The following TACC2 variants were observed in gnomAD, a reference collection of about 807,000 sequenced individuals.
TACC2 encodes transforming acidic coiled-coil containing protein 2, also known as transforming acidic coiled-coil-containing protein 2.
TACC2 carries 137 observed loss-of-function variants against 227.3 expected under a neutral mutation model. The ratio of observed to expected loss-of-function variants is 0.60; its 90% CI spans 0.52 to 0.69. The LOEUF (loss-of-function observed/expected upper bound fraction) is 0.69, where lower values mean the gene tolerates loss of function less well. Among genes scored for constraint, TACC2 ranks in the 30% least tolerant of loss-of-function variants. TACC2 has a pLI of 0.00. For synonymous variants in TACC2, 1,523 were observed against 1,487.5 expected (o/e 1.02, Z -0.55); for missense variants, 3,470 against 3,694.4 (o/e 0.94, Z 1.57).
intron 1 of TACC2, 36 bp from the exon 2 acceptor site, chr10:122,021,901 A>T: frequency 7.5e-7 from 1 of 1,334,494 alleles, no homozygotes; most frequent in Non-Finnish European, 1.1e-6. Flanking sequence ...ATCTTTTTTC[A>T]TTTCACAGAC....
At chr10:122,146,096 C>T (rs2091338627) in intron 7 of TACC2, among the ~76,000 whole-genome samples, 1 of 152,156 alleles carries the variant, frequency 6.6e-6, no homozygotes, top group Non-Finnish European at 1.5e-5. Context: ...AGAAGTGCAG[C>T]ACCCTGGATG....
chr10:122,249,530 C>T lies in TACC2; in HGVS notation c.8661-14C>T. 2 of 1,612,724 alleles carry T rather than the reference C, an allele frequency of 1.2e-6. No individual in the cohort carries two copies. The highest frequency in any genetic ancestry group is 1.1e-5 in the South Asian group (1 of 90,934). On this transcript the variant is annotated splice_polypyrimidine_tract_variant and intron_variant, in intron 21 of 22. Coordinates refer to ENST00000369005, the MANE Select transcript of TACC2 (RefSeq NM_206862.4). ...CACAAAAGAGTGATAATTCTGAGCT[C>T]CCTGTCTCCGCAGGGCCAATGCTGA...
chr10:122,227,933 G>A lies in TACC2; in HGVS notation c.7821G>A (p.Leu2607=), dbSNP rs770495746. The change falls in exon 14 of 23, where the codon TTG becomes TTA. Residue 2607 remains leucine (L), a synonymous_variant. Coordinates refer to ENST00000369005, the MANE Select transcript of TACC2 (RefSeq NM_206862.4). The part of the protein sequence containing the change: ...RGLAPNQESH[L]QVPEKSSQKE... The stretch of plus-strand genomic sequence containing the variant: ...TGGCCCCTAACCAAGAGTCACACTT[G>A]CAGGTGCCAGAGAAATCCTCCCAGA... The A allele has an allele frequency of 1.2e-6, 2 of 1,614,226 alleles. No homozygotes were observed. The highest frequency in any genetic ancestry group is 1.7e-5 in the Admixed American group (1 of 60,022).
intron 8 of TACC2, among the ~76,000 whole-genome samples, chr10:122,201,922 C>G (rs17103195): frequency 0.081 from 12,262 of 152,084 alleles, 1,559 homozygotes; most frequent in African/African-American, 0.27. Context: ...CCAAGGTTTC[C>G]GCTGCTTTTT....
intron 7 of TACC2, among the ~76,000 whole-genome samples, chr10:122,160,646 A>G (rs992249857): frequency 1.2e-4 from 18 of 152,146 alleles, no homozygotes; most frequent in African/African-American, 3.4e-4. Flanking sequence ...CCCCACCTCC[A>G]AATACCATCC....
chr10:122,237,660 T>C, intron 17 of TACC2, 122 bp downstream of exon 17: 2 of 1,244,194 alleles, frequency 1.6e-6, no homozygotes, highest in Non-Finnish European at 2.2e-6. Context: ...GGCAAAGATG[T>C]GTGGCACACC....
intron 19 of TACC2, chr10:122,248,251 C>G (rs1335417765): frequency 1.0e-5 from 2 of 197,298 alleles, no homozygotes; most frequent in African/African-American, 2.3e-5. Flanking sequence ...ACCTCACACC[C>G]TTTAATCGTC....
In TACC2 at chr10:122,249,633, T is replaced by G. The variant is rs1464517939; in HGVS notation, c.8750T>G (p.Val2917Gly). 4 of 1,613,400 alleles carry G rather than the reference T, an allele frequency of 2.5e-6. No homozygotes were observed. The highest frequency in any genetic ancestry group is 1.7e-5 in the Admixed American group (1 of 59,976). ...AGCCTGCGGAAGGAGCAGCTGCGAG[T>G]GGACGCCCTGGAAAGGACGCTGGAG... ...QASLRKEQLRVDALERTLEQK... is the reference protein window; with the variant it reads ...QASLRKEQLRGDALERTLEQK... Residue 2917 changes from valine (V) to glycine (G), a missense_variant, in exon 22 of 23, where the codon GTG becomes GGG. This residue lies in a region of TACC2 where 89 missense variants were observed against 91.4 expected (regional missense o/e 0.97). Transcript: ENST00000369005.
chr10:122,211,737 T>G (rs2095297699), intron 9 of TACC2, 29 bp downstream of exon 9: 3 of 1,519,454 alleles, frequency 2.0e-6, no homozygotes, highest in Non-Finnish European at 2.6e-6. Context: ...GTGGTAAGGA[T>G]CAGAGGCGGG....
chr10:122,210,937 C>A lies in TACC2; in HGVS notation c.6512C>A (p.Ser2171Tyr). ...SLVPSGENLA[S>Y]ETKTESAKTE... ...GTCCCCAGTGGGGAGAATCTAGCAT[C>A]TGAGACGAAAACGGAATCTGCCAAG... Residue 2171 changes from serine (S) to tyrosine (Y), a missense_variant, in exon 9 of 23, where the codon TCT becomes TAT. By Grantham distance (144) the Ser-to-Tyr change is moderately radical. Around this residue, in one of 10 missense-constraint regions of TACC2, gnomAD observed 593 missense variants for 636.6 expected, o/e 0.93. Coordinates refer to ENST00000369005, the MANE Select transcript of TACC2 (RefSeq NM_206862.4). This position sits in a 1 kb window ranked among gnomAD's most constrained non-coding sequence, Gnocchi z 4.6. The A allele has an allele frequency of 1.2e-6, 2 of 1,613,988 alleles. No individual in the cohort carries two copies. Among genetic ancestry groups the A allele is most frequent in the Non-Finnish European group, 1.7e-6 (2 of 1,179,990 alleles).
rs1016837693 is a variant in TACC2, at chr10:122,045,648, G to A, written c.34-4790G>A. On this transcript the variant is annotated intron_variant, in intron 2 of 22. Coordinates refer to ENST00000369005, the MANE Select transcript of TACC2 (RefSeq NM_206862.4). ...AAGAGCACTGGACTTCAAGGTGGGA[G>A]ACTTGCAGAGGGCAGAAGGCAAGCC... Among the ~76,000 whole-genome samples, 6 of 152,220 alleles carry A rather than the reference G, an allele frequency of 3.9e-5. No homozygotes were observed. In the East Asian group the frequency reaches 5.8e-4, roughly 15 times the overall value.
chr10:122,194,980 C>T lies in TACC2; in HGVS notation c.5835-60C>T, dbSNP rs575603985. ...CTGGCTCTGGGTGCGAAGGCCACAC[C>T]GGCTCAGCAGAACTGGCTCTGGGCC... On this transcript the variant is annotated intron_variant, in intron 7 of 22. Coordinates refer to ENST00000369005, the MANE Select transcript of TACC2 (RefSeq NM_206862.4). This position sits in a 1 kb window ranked among gnomAD's most constrained non-coding sequence, Gnocchi z 4.4. 9.7e-5 allele frequency: 150 copies of T among 1,542,686 alleles called. 1 individual carries two copies. The highest frequency in any genetic ancestry group is 1.7e-4 in the Middle Eastern group (1 of 5,734).
intron 1 of TACC2, among the ~76,000 whole-genome samples, chr10:121,992,793 A>G (rs776200181): frequency 5.9e-5 from 9 of 152,022 alleles, no homozygotes; most frequent in Non-Finnish European, 1.0e-4. Flanking sequence ...CGTCTCTACT[A>G]AAATACAAAA....
Position 122,050,534 on chromosome 10 carries a change from C to T in TACC2, c.130C>T (p.His44Tyr). Reference protein sequence around the residue: ...KQQDTPGSPDHRDASSIGSVG... With the variant: ...KQQDTPGSPDYRDASSIGSVG... ...GCAGGACACGCCCGGAAGCCCTGAC[C>T]ACAGAGACGCGTCCAGGTAGGAGGC... is the stretch of plus-strand genomic sequence containing the variant. Residue 44 changes from histidine (H) to tyrosine (Y), a missense_variant, in exon 3 of 23, where the codon CAC (histidine) becomes TAC (tyrosine). This residue lies in a region of TACC2 where 405 missense variants were observed against 389.6 expected (regional missense o/e 1.04). Transcript: ENST00000369005. This position sits in a 1 kb window ranked among gnomAD's most constrained non-coding sequence, Gnocchi z 4.6. The T allele has an allele frequency of 6.2e-7, 1 of 1,613,914 alleles. No homozygotes were observed. Among genetic ancestry groups the T allele is most frequent in the Non-Finnish European group, 8.5e-7 (1 of 1,179,958 alleles).
In TACC2 at chr10:122,086,378, C is replaced by A. The variant is rs1225136693; in HGVS notation, c.3878C>A (p.Pro1293His). The A allele has an allele frequency of 1.2e-6, 2 of 1,613,652 alleles. No homozygotes were observed. The highest frequency in any genetic ancestry group is 2.2e-5 in the South Asian group (2 of 91,082). The change falls in exon 4 of 23, where the codon CCC becomes CAC. Residue 1293 changes from proline to histidine, a missense_variant. Physicochemically the swap from Pro to His is moderately conservative, Grantham distance 77. This residue lies in a region of TACC2 where 1,924 missense variants were observed against 1,978.3 expected (regional missense o/e 0.97). Coordinates refer to ENST00000369005, the MANE Select transcript of TACC2 (RefSeq NM_206862.4). ...SLKLFAGSLA[P>H]LLQPGAAGGE... The stretch of plus-strand genomic sequence containing the variant: ...AAGCTGTTTGCTGGCTCCCTCGCCC[C>A]CCTGTTGCAACCAGGAGCTGCAGGT...
chr10:122,026,679 C>T (rs1303031287), intron 2 of TACC2, among the ~76,000 whole-genome samples: 1 of 149,700 alleles, frequency 6.7e-6, no homozygotes, highest in African/African-American at 2.5e-5. Context: ...TTTTTACTGT[C>T]TACAGGGTTT....
intron 2 of TACC2, among the ~76,000 whole-genome samples, chr10:122,046,131 C>T (rs1189466947): frequency 3.3e-5 from 5 of 150,912 alleles, no homozygotes; most frequent in African/African-American, 1.2e-4. Context: ...GCTGAGATCA[C>T]GCCATTGCAC....
chr10:122,038,818 AT>A (rs1326982147), intron 2 of TACC2, among the ~76,000 whole-genome samples: 4 of 152,226 alleles, frequency 2.6e-5, no homozygotes, highest in Non-Finnish European at 5.9e-5. Flanking sequence ...AAGAAAAAAA[AT>A]AATTAAAACC....
intron 1 of TACC2, among the ~76,000 whole-genome samples, chr10:122,016,849 A>G (rs1446590140): frequency 1.3e-5 from 2 of 152,182 alleles, no homozygotes; most frequent in Non-Finnish European, 2.9e-5. Flanking sequence ...TTTGGAGATA[A>G]GACCTTTCAA....
Sources: gnomAD v4.1 joint callset for allele counts (sites outside exome capture counted in the v4.1 genomes callset) on GRCh38, gnomAD v4.1.1 for gene constraint, gnomAD v4.1.1 regional missense constraint, Gnocchi (gnomAD v3.1) non-coding constraint, MANE v1.5 for transcripts, NCBI Gene and HGNC (gene_info 2026-07-23, HGNC 2026-07-21) for gene names.